The following FAM81B variants were observed in gnomAD, a reference collection of about 807,000 sequenced individuals.
FAM81B encodes the protein protein FAM81B.
FAM81B carries 60 observed loss-of-function variants against 58.7 expected under a neutral mutation model. The observed-to-expected ratio is 1.02, with a 90% CI of 0.83 to 1.27. The LOEUF (loss-of-function observed/expected upper bound fraction) is 1.27, where lower values mean the gene tolerates loss of function less well. Among genes scored for constraint, FAM81B ranks in the 50% most tolerant of loss-of-function variants. FAM81B has a pLI of 0.00. For missense variants in FAM81B, 491 were observed against 522.0 expected (o/e 0.94, Z 0.58); for synonymous variants, 189 against 179.6 (o/e 1.05, Z -0.42).
intron 3 of FAM81B, among the ~76,000 whole-genome samples, chr5:95,404,160 C>T (rs1286519535): frequency 6.6e-6 from 1 of 152,148 alleles, no homozygotes; most frequent in African/African-American, 2.4e-5. Flanking sequence ...AAATAATGAG[C>T]AAATCTGCAG....
At chr5:95,427,649 A>G (rs776167359) in intron 5 of FAM81B, among the ~76,000 whole-genome samples, 9 of 152,210 alleles carry the variant, frequency 5.9e-5, no homozygotes, top group Non-Finnish European at 1.2e-4. Context: ...TAATATGAAA[A>G]TGTATTTCCT....
At chr5:95,405,808 C>A (rs1762229754) in intron 3 of FAM81B, among the ~76,000 whole-genome samples, 1 of 152,190 alleles carries the variant, frequency 6.6e-6, no homozygotes, top group South Asian at 2.1e-4. Context: ...AAAATAACTT[C>A]TCCTGTCAGG....
At chr5:95,414,506 T>C (rs1338698740) in intron 4 of FAM81B, among the ~76,000 whole-genome samples, 3 of 152,220 alleles carry the variant, frequency 2.0e-5, no homozygotes, top group African/African-American at 7.2e-5. Flanking sequence ...ATTAATGCAA[T>C]AACTTCAAAT....
intron 3 of FAM81B, among the ~76,000 whole-genome samples, chr5:95,398,540 T>C (rs1223357786): frequency 6.6e-6 from 1 of 152,244 alleles, no homozygotes; most frequent in Non-Finnish European, 1.5e-5. Flanking sequence ...AAAGTCATTA[T>C]CAACTCATTA....
chr5:95,441,222 C>A (rs1314139824), intron 7 of FAM81B, among the ~76,000 whole-genome samples: 1 of 152,136 alleles, frequency 6.6e-6, no homozygotes, highest in Non-Finnish European at 1.5e-5. Context: ...CGGCCAAGCA[C>A]CAGAAACAGC....
At chr5:95,433,718 A>T (rs1324864430) in intron 6 of FAM81B, among the ~76,000 whole-genome samples, 2 of 152,218 alleles carry the variant, frequency 1.3e-5, no homozygotes, top group African/African-American at 4.8e-5. Flanking sequence ...AAGTTCAATC[A>T]GTACTTATAG....
chr5:95,426,919 CAT>C lies in FAM81B; in HGVS notation c.657-1683_657-1682del, dbSNP rs879331352. 9.1e-3 allele frequency among the ~76,000 whole-genome samples: 1,379 copies of C among 152,254 alleles called. 11 individuals carry two copies. Among genetic ancestry groups the C allele is most frequent in the South Asian group, 0.038 (184 of 4,810 alleles). On this transcript the variant is annotated intron_variant, in intron 5 of 9. Transcript: ENST00000283357. ...AAAAAATTAGCCAGGCGTGGTGGCG[CAT>C]GCCTGTAGTCCTAGCTACTCGGGAG...
intron 6 of FAM81B, among the ~76,000 whole-genome samples, chr5:95,433,127 G>A (rs1744964575): frequency 6.6e-6 from 1 of 152,154 alleles, no homozygotes; most frequent in Admixed American, 6.5e-5. Context: ...TAAGAGGAGT[G>A]TATTAGTCTG....
intron 3 of FAM81B, among the ~76,000 whole-genome samples, chr5:95,411,574 C>A (rs866867773): frequency 6.6e-6 from 1 of 152,144 alleles, no homozygotes. Flanking sequence ...AAATGCATAA[C>A]ACTATGGTAA....
At chr5:95,420,547 A>C (rs2152764841) in intron 5 of FAM81B, 145 bp downstream of exon 5, 1 of 1,212,914 alleles carries the variant, frequency 8.2e-7, no homozygotes, top group East Asian at 2.6e-5. Flanking sequence ...AAAGTGTACC[A>C]TAGAACTTTC....
intron 7 of FAM81B, among the ~76,000 whole-genome samples, chr5:95,439,236 G>GTACATATATATA (rs1554046247): frequency 3.8e-5 from 4 of 105,186 alleles, no homozygotes; most frequent in Non-Finnish European, 5.7e-5. Context: ...AGGTTAAAGA[G>GTACATATATATA]TATATATATA....
rs1582823713 is a variant in FAM81B at position 95,437,068 on chromosome 5, TATA to T, written c.893+166_893+168del. ...GAATATTTTACACTAAAGTAACTTA[TATA>T]ATATTTATAATAAAAGAATTATGAA... On this transcript the variant is annotated intron_variant, in intron 7 of 9. Coordinates refer to ENST00000283357, the MANE Select transcript of FAM81B (RefSeq NM_152548.3). Among the ~76,000 whole-genome samples, 5 of 152,226 alleles carry T rather than the reference TATA, an allele frequency of 3.3e-5. No homozygotes were observed. The South Asian group carries it at 1.0e-3, about 32-fold the overall frequency.
intron 8 of FAM81B, among the ~76,000 whole-genome samples, chr5:95,447,618 C>T (rs1482974581): frequency 6.6e-6 from 1 of 152,156 alleles, no homozygotes; most frequent in Non-Finnish European, 1.5e-5. Context: ...TGGAATCCAC[C>T]AACACTTATT....
In FAM81B at chr5:95,410,786, A is replaced by G. The variant is rs576583480; in HGVS notation, c.294-3161A>G. 5 of 152,302 alleles carry G rather than the reference A, an allele frequency of 3.3e-5. No homozygotes were observed. The East Asian group carries it at 9.6e-4, about 29-fold the overall frequency. 9.4% of individuals were successfully genotyped at this position (152,302 alleles called of 1,614,324 possible). On this transcript the variant is annotated intron_variant, in intron 3 of 9. Coordinates refer to ENST00000283357, the MANE Select transcript of FAM81B (RefSeq NM_152548.3). The stretch of plus-strand genomic sequence containing the variant: ...TTCTCTTTCCAGTGATCTTCACAAC[A>G]TAATTTGCTACCATTCAGAGGCGGC...
chr5:95,411,249 C>CA (rs1276331038), intron 3 of FAM81B, among the ~76,000 whole-genome samples: 4 of 151,680 alleles, frequency 2.6e-5, no homozygotes, highest in Admixed American at 1.3e-4. Flanking sequence ...TTGATAATCC[C>CA]AAAAAAACAC....
chr5:95,416,777 T>C (rs1295356078), intron 4 of FAM81B, among the ~76,000 whole-genome samples: 2 of 152,160 alleles, frequency 1.3e-5, no homozygotes, highest in South Asian at 2.1e-4. Context: ...TTAATTATTG[T>C]CCTAATGTCG....
intron 2 of FAM81B, among the ~76,000 whole-genome samples, chr5:95,393,138 A>C (rs1010864282): frequency 6.6e-6 from 1 of 152,194 alleles, no homozygotes; most frequent in African/African-American, 2.4e-5. Context: ...TAAGTTGATC[A>C]TTATGTATGT....
rs1174081839 is a variant in FAM81B, at chr5:95,434,708, AAATG to A, written c.787-2086_787-2083del. On this transcript the variant is annotated intron_variant, in intron 6 of 9. Coordinates refer to ENST00000283357, the MANE Select transcript of FAM81B (RefSeq NM_152548.3). ...TTTTTTATTCCTTTTAAACTTCGTG[AAATG>A]AATGATTCACTTACATTGCCTTATT... Among the ~76,000 whole-genome samples the A allele has an allele frequency of 4.6e-5, 7 of 152,308 alleles. No individual in the cohort carries two copies. The East Asian group carries it at 1.4e-3, about 29-fold the overall frequency.
chr5:95,446,714 T>C lies in FAM81B; in HGVS notation c.1029+17T>C. ...GAGAAACTGGTGAGGAGTTCTGTTA[T>C]TTTGTGAAGCAAGCACCTGCATAGT... On this transcript the variant is annotated intron_variant, in intron 8 of 9. Transcript: ENST00000283357. 6.2e-7 allele frequency: 1 copy of C among 1,609,474 alleles called. No homozygotes were observed.
Sources: allele counts gnomAD v4.1 joint callset (sites outside exome capture counted in the v4.1 genomes callset), GRCh38; gene constraint gnomAD v4.1.1; transcripts MANE v1.5; gene names NCBI Gene and HGNC (gene_info 2026-07-23, HGNC 2026-07-21).